The following TTC7A variants were observed in gnomAD, a reference collection of about 807,000 sequenced individuals.
TTC7A encodes tetratricopeptide repeat protein 7A.
TTC7A carries 110 observed loss-of-function variants against 103.7 expected under a neutral mutation model. That is an observed-to-expected ratio of 1.06 (90% CI 0.91 to 1.24). The LOEUF is 1.24. Among genes scored for constraint, TTC7A ranks in the 50% most tolerant of loss-of-function variants. The pLI is 0.00. For synonymous variants in TTC7A, 521 were observed against 467.9 expected, an observed-to-expected ratio of 1.11 and a Z score of -1.47; for missense variants, 1,340 against 1,116.3, an observed-to-expected ratio of 1.20 and a Z score of -2.86.
In TTC7A at chr2:47,060,891, G is replaced by A. The variant is rs1422354897; in HGVS notation, c.2275G>A (p.Gly759Ser). 5.0e-6 allele frequency: 8 copies of A among 1,614,172 alleles called. No homozygotes were observed. Among genetic ancestry groups the A allele is most frequent in the African/African-American group, 1.3e-5 (1 of 75,050 alleles). The stretch of plus-strand genomic sequence containing the variant: ...GCGGGGCCGGCTGGCTGAGGTGAAG[G>A]GCAACCTGGAGGAGGCCAAGCAGCT... ...YMRGRLAEVKGNLEEAKQLYK... is the reference protein window; with the variant it reads ...YMRGRLAEVKSNLEEAKQLYK... The change falls in exon 19 of 20, where the codon GGC becomes AGC. Residue 759 changes from glycine to serine, a missense_variant. Coordinates refer to ENST00000319190, the MANE Select transcript of TTC7A (RefSeq NM_020458.4).
chr2:46,959,768 G>A (rs1377861813), intron 3 of TTC7A, among the ~76,000 whole-genome samples: 3 of 152,172 alleles, frequency 2.0e-5, no homozygotes, highest in African/African-American at 7.2e-5. Flanking sequence ...TCCCGGGGAG[G>A]CTTTAGACAT....
chr2:47,022,055 T>C, intron 12 of TTC7A, 76 bp downstream of exon 12: 1 of 1,055,936 alleles, frequency 9.5e-7, no homozygotes, highest in Non-Finnish European at 1.4e-6. Context: ...CATCTTGTCC[T>C]ACCGGCACCC....
chr2:46,945,166 T>G (rs1380992139), intron 1 of TTC7A, among the ~76,000 whole-genome samples: 1 of 152,146 alleles, frequency 6.6e-6, no homozygotes, highest in Non-Finnish European at 1.5e-5. Flanking sequence ...AAGGTCTTAC[T>G]CTCATAGTTC....
intron 2 of TTC7A, among the ~76,000 whole-genome samples, chr2:46,953,491 C>G (rs184125794): frequency 3.2e-4 from 48 of 152,274 alleles, no homozygotes; most frequent in African/African-American, 1.2e-3. Flanking sequence ...CCGCAAAGAT[C>G]AGGTCACAGT....
intron 2 of TTC7A, among the ~76,000 whole-genome samples, chr2:46,925,482 T>G (rs1405275399): frequency 6.6e-6 from 1 of 152,116 alleles, no homozygotes; most frequent in Non-Finnish European, 1.5e-5. Flanking sequence ...CTATTGAACC[T>G]GGGAGGCGGA....
Position 47,030,105 on chromosome 2 carries a change from C to G in TTC7A, c.1802+721C>G, listed in dbSNP as rs576905277. Among the ~76,000 whole-genome samples, 33 of 152,336 alleles carry G rather than the reference C, an allele frequency of 2.2e-4. No homozygotes were observed. The South Asian group carries it at 6.8e-3, about 32-fold the overall frequency. ...TGTAACAGGCTTTGTTTCTCAGAAC[C>G]CTGTGATCCCAGATGAGGGACCCCT... On this transcript the variant is annotated intron_variant, in intron 15 of 19. Transcript: ENST00000319190.
At chr2:46,919,012 G>A (rs1176230585) in intron 2 of TTC7A, among the ~76,000 whole-genome samples, 1 of 152,182 alleles carries the variant, frequency 6.6e-6, no homozygotes, top group Non-Finnish European at 1.5e-5. Flanking sequence ...CAGGAGATAG[G>A]ACGGCCATCC....
chr2:47,018,754 GCCCCAT>G (rs1385387086), intron 11 of TTC7A, among the ~76,000 whole-genome samples: 1 of 151,678 alleles, frequency 6.6e-6, no homozygotes, highest in Non-Finnish European at 1.5e-5. Flanking sequence ...TGTGAGCATT[GCCCCAT>G]CTTATCTCAT....
At chr2:46,930,780 G>A (rs866875871) in intron 2 of TTC7A, among the ~76,000 whole-genome samples, 5 of 152,072 alleles carry the variant, frequency 3.3e-5, no homozygotes, top group African/African-American at 9.7e-5. Context: ...GATTACAGGC[G>A]TGAGCCACCG....
At chr2:46,934,787 C>CTTTTCTTT (rs1669883537) in intron 2 of TTC7A, among the ~76,000 whole-genome samples, 2 of 66,916 alleles carry the variant, frequency 3.0e-5, no homozygotes, top group Admixed American at 3.9e-4. Context: ...GACTACTGCT[C>CTTTTCTTT]TTTTTTTTTT....
At chr2:46,946,920 G>C (rs1423623119) in intron 1 of TTC7A, among the ~76,000 whole-genome samples, 1 of 152,036 alleles carries the variant, frequency 6.6e-6, no homozygotes, top group Non-Finnish European at 1.5e-5. Context: ...GGCCATGTTT[G>C]TTTACCATGG....
Position 46,995,178 on chromosome 2 carries a change from C to G in TTC7A, c.1044C>G (p.Leu348=). 1.9e-6 allele frequency: 3 copies of G among 1,614,192 alleles called. No individual in the cohort carries two copies. Among genetic ancestry groups the G allele is most frequent in the Non-Finnish European group, 2.5e-6 (3 of 1,180,020 alleles). The stretch of plus-strand genomic sequence containing the variant: ...ACAACATCGAGGAAGCCCTCCTGCT[C>G]CTCCTCATCAGCGAATCCATGGTAA... ...PKDNIEEALL[L]LLISESMATR... Residue 348 remains leucine, a synonymous_variant, in exon 8 of 20, where the codon CTC becomes CTG. Coordinates refer to ENST00000319190, the MANE Select transcript of TTC7A (RefSeq NM_020458.4).
At position 46,956,897 on chromosome 2, in the gene TTC7A, C is replaced by T. The variant is rs748480706; in HGVS notation, c.407C>T (p.Ser136Leu). 2 of 1,614,140 alleles carry T rather than the reference C, an allele frequency of 1.2e-6. No homozygotes were observed. The highest frequency in any genetic ancestry group is 1.7e-6 in the Non-Finnish European group (2 of 1,180,010). ...GGCAAACTGCATTACGTGGAGGGCT[C>T]ATACCGAGATGCCATCAGCATGTAC... Reference protein sequence around the residue: ...ILGKLHYVEGSYRDAISMYAR... With the variant: ...ILGKLHYVEGLYRDAISMYAR... Residue 136 changes from serine to leucine, a missense_variant, in exon 3 of 20, where the codon TCA becomes TTA. Physicochemically the swap from Ser to Leu is moderately radical, Grantham distance 145. Coordinates refer to ENST00000319190, the MANE Select transcript of TTC7A (RefSeq NM_020458.4).
At chr2:47,060,616 A>G (rs1012038144) in intron 18 of TTC7A, among the ~76,000 whole-genome samples, 153 bp from the exon 19 acceptor site, 1 of 152,312 alleles carries the variant, frequency 6.6e-6, no homozygotes, top group South Asian at 2.1e-4. Context: ...TGTTCCCACT[A>G]CATCCTATAG....
chr2:46,984,453 A>G (rs1371054288), intron 5 of TTC7A, among the ~76,000 whole-genome samples: 3 of 152,138 alleles, frequency 2.0e-5, no homozygotes, highest in Non-Finnish European at 4.4e-5. Context: ...CTGTTTGTCC[A>G]TGTCCCAGAG....
intron 3 of TTC7A, among the ~76,000 whole-genome samples, chr2:46,969,466 C>A (rs1195222666): frequency 6.6e-6 from 1 of 152,112 alleles, no homozygotes; most frequent in Non-Finnish European, 1.5e-5. Flanking sequence ...GAGATCGCGC[C>A]ACTGCACTCC....
At chr2:47,021,789 G>T in intron 11 of TTC7A, 73 bp from the exon 12 acceptor site, 4 of 1,185,748 alleles carry the variant, frequency 3.4e-6, no homozygotes, top group Non-Finnish European at 5.0e-6. Flanking sequence ...TTCGGGAACA[G>T]GTCCAGGGAG....
rs147410586 is a variant in TTC7A, at chr2:47,051,789, G to C, written c.2061G>C (p.Glu687Asp). 2.8e-4 allele frequency: 445 copies of C among 1,611,514 alleles called. 1 individual carries two copies. In the African/African-American group the frequency reaches 4.3e-3, roughly 16 times the overall value. ...CCATCGCCGCCTCCCGGCTGGAGGA[G>C]GCCATGTCAGAGCTGACTATGCCCT... Reference protein sequence around the residue: ...ASSIAASRLEEAMSELTMPSS... With the variant: ...ASSIAASRLEDAMSELTMPSS... The change falls in exon 18 of 20, where the codon GAG becomes GAC. Residue 687 changes from glutamate (E) to aspartate (D), a missense_variant. Glu to Asp is a conservative substitution (Grantham distance 45, BLOSUM62 2). Transcript: ENST00000319190.
chr2:47,022,553 A>G (rs1299956383), intron 12 of TTC7A, among the ~76,000 whole-genome samples: 2 of 152,072 alleles, frequency 1.3e-5, no homozygotes, highest in African/African-American at 4.8e-5. Context: ...TACTCCGTCT[A>G]TCAGGCAGCC....
Sources: allele counts gnomAD v4.1 joint callset (sites outside exome capture counted in the v4.1 genomes callset), GRCh38; gene constraint gnomAD v4.1.1; transcripts MANE v1.5; gene names NCBI Gene and HGNC (gene_info 2026-07-23, HGNC 2026-07-21).